The following RPS6KA2 variants were observed in gnomAD, a reference collection of about 807,000 sequenced individuals.
RPS6KA2 encodes the protein ribosomal protein S6 kinase alpha-2.
Under a neutral mutation model 91.8 loss-of-function variants are expected in RPS6KA2, and 42 were observed. The observed-to-expected ratio is 0.46, with a 90% CI of 0.36 to 0.59. The LOEUF is 0.59. RPS6KA2 is among the 20% of genes least tolerant of loss of function. The pLI, the probability that RPS6KA2 is intolerant of heterozygous loss-of-function variation, is 0.00. For missense variants in RPS6KA2, 798 were observed against 978.5 expected, an observed-to-expected ratio of 0.82 and a Z score of 2.46; for synonymous variants, 414 against 393.6, an observed-to-expected ratio of 1.05 and a Z score of -0.61.
chr6:166,829,754 G>A (rs116595007), intron 2 of RPS6KA2, among the ~76,000 whole-genome samples: 2,456 of 152,192 alleles, frequency 0.016, 68 homozygotes, highest in African/African-American at 0.056. Flanking sequence ...ATCAGCAGAC[G>A]AGTGGAAGAA....
intron 2 of RPS6KA2, among the ~76,000 whole-genome samples, chr6:166,740,488 A>G (rs1790779520): frequency 6.6e-6 from 1 of 152,236 alleles, no homozygotes; most frequent in Admixed American, 6.5e-5. Flanking sequence ...ATACAAAATC[A>G]AACTGAGTAT....
chr6:166,738,963 G>A (rs1778111215), intron 2 of RPS6KA2, among the ~76,000 whole-genome samples: 1 of 152,142 alleles, frequency 6.6e-6, no homozygotes, highest in South Asian at 2.1e-4. Context: ...CAAGATGAGT[G>A]CTCCTGAAAA....
intron 2 of RPS6KA2, among the ~76,000 whole-genome samples, chr6:166,725,764 T>C (rs987342338): frequency 1.3e-5 from 2 of 152,202 alleles, no homozygotes; most frequent in African/African-American, 4.8e-5. Flanking sequence ...CGGGCCAGCG[T>C]GGACGTTCCC....
chr6:166,727,299 A>AGG (rs1354996464), intron 2 of RPS6KA2, among the ~76,000 whole-genome samples: 1 of 150,170 alleles, frequency 6.7e-6, no homozygotes, highest in Non-Finnish European at 1.5e-5. Flanking sequence ...TTATAATTAT[A>AGG]GATCATACTT....
intron 2 of RPS6KA2, among the ~76,000 whole-genome samples, chr6:166,848,540 T>C (rs1253513159): frequency 6.6e-6 from 1 of 152,196 alleles, no homozygotes; most frequent in Non-Finnish European, 1.5e-5. Flanking sequence ...ATAAAGCAAC[T>C]GTGGTATATA....
At position 166,639,286 on chromosome 6, in the gene RPS6KA2, G is replaced by A. The variant is rs890032677; in HGVS notation, c.124-100502C>T. Among the ~76,000 whole-genome samples the A allele has an allele frequency of 3.9e-5, 6 of 152,182 alleles. No homozygotes were observed. The highest frequency in any genetic ancestry group is 2.6e-4 in the Admixed American group (4 of 15,286). On this transcript the variant is annotated intron_variant, in intron 2 of 21. Coordinates refer to the RPS6KA2 transcript ENST00000503859. This position sits in a 1 kb window ranked among gnomAD's most constrained non-coding sequence, Gnocchi z 4.2. ...AAGACTTACCGTGACCTCCTGACAC[G>A]TCCTTATTCCCTACGTCTCTAGTTA...
Position 166,413,000 on chromosome 6 carries a change from A to G in RPS6KA2, c.2077-113T>C, listed in dbSNP as rs543869690. The G allele has an allele frequency of 6.0e-5, 70 of 1,165,864 alleles. 1 individual carries two copies. The East Asian group carries it at 1.7e-3, about 29-fold the overall frequency. 72.2% of individuals were successfully genotyped at this position (1,165,864 alleles called of 1,614,324 possible). ...CCCCAGGCAACGTGGGAGAAACCAG[A>G]GCTTCCCCAGGGTCCCTGGAGCATG... On this transcript the variant is annotated intron_variant, in intron 20 of 20. Transcript: ENST00000265678. This position sits in a 1 kb window ranked among gnomAD's most constrained non-coding sequence, Gnocchi z 4.3.
Position 166,533,063 on chromosome 6 carries a change from G to T in RPS6KA2, c.217-1750C>A, listed in dbSNP as rs116142386. ...GACTCTGCCTCAGGGTGTTCCCTCT[G>T]TGCAGTGGGCGAGCTTCCTGACAGG... On this transcript the variant is annotated intron_variant, in intron 2 of 20. Transcript: ENST00000265678. This position sits in a 1 kb window ranked among gnomAD's most constrained non-coding sequence, Gnocchi z 4.0. Among the ~76,000 whole-genome samples, 8,463 of 152,306 alleles carry T rather than the reference G, an allele frequency of 0.056. 820 individuals are homozygous for T. Among genetic ancestry groups the T allele is most frequent in the African/African-American group, 0.19 (8,062 of 41,540 alleles).
At chr6:166,760,434 C>T (rs1778135361) in intron 2 of RPS6KA2, among the ~76,000 whole-genome samples, 1 of 152,214 alleles carries the variant, frequency 6.6e-6, no homozygotes, top group African/African-American at 2.4e-5. Context: ...CTCACCAAAG[C>T]GATCTACTGA....
chr6:166,455,277 T>C (rs1780062981), intron 12 of RPS6KA2, among the ~76,000 whole-genome samples: 1 of 152,124 alleles, frequency 6.6e-6, no homozygotes, highest in African/African-American at 2.4e-5. Context: ...ACAACGGTTA[T>C]GAGGGCAGCC....
chr6:166,795,660 G>T (rs2128615873), intron 2 of RPS6KA2, among the ~76,000 whole-genome samples: 1 of 152,334 alleles, frequency 6.6e-6, no homozygotes. Context: ...ACTGCGGGGT[G>T]AGAAAGACGG....
intron 2 of RPS6KA2, among the ~76,000 whole-genome samples, chr6:166,788,603 G>T (rs1402236358): frequency 1.3e-5 from 2 of 152,122 alleles, no homozygotes; most frequent in Non-Finnish European, 2.9e-5. Flanking sequence ...ACCAAATACT[G>T]CATGTTCTCA....
At chr6:166,718,600 A>G (rs1790086840) in intron 2 of RPS6KA2, among the ~76,000 whole-genome samples, 1 of 152,236 alleles carries the variant, frequency 6.6e-6, no homozygotes, top group Non-Finnish European at 1.5e-5. Context: ...CATTCTCTTT[A>G]AAGTGGTTAA....
intron 2 of RPS6KA2, among the ~76,000 whole-genome samples, chr6:166,643,345 A>G (rs1787505187): frequency 6.6e-6 from 1 of 152,250 alleles, no homozygotes; most frequent in African/African-American, 2.4e-5. Flanking sequence ...AAAAACATAT[A>G]TAACAAGATA....
chr6:166,746,806 T>C (rs1012533002), intron 2 of RPS6KA2, among the ~76,000 whole-genome samples: 6 of 152,198 alleles, frequency 3.9e-5, no homozygotes, highest in African/African-American at 1.2e-4. Flanking sequence ...CCTATTGTCT[T>C]CAACTAATTT....
intron 10 of RPS6KA2, among the ~76,000 whole-genome samples, chr6:166,472,176 C>G (rs1053901298): frequency 2.0e-5 from 3 of 152,218 alleles, no homozygotes; most frequent in African/African-American, 7.2e-5. Flanking sequence ...TCTCAAAAGG[C>G]TGGAGATTGG....
chr6:166,565,419 G>A (rs951590058), intron 1 of RPS6KA2, among the ~76,000 whole-genome samples: 1 of 152,254 alleles, frequency 6.6e-6, no homozygotes, highest in Non-Finnish European at 1.5e-5. Flanking sequence ...AGCCTGTGCT[G>A]GGATGCAGGG....
At chr6:166,630,434 A>G (rs1006763515), upstream of RPS6KA2, among the ~76,000 whole-genome samples, 3 of 152,274 alleles carry the variant, frequency 2.0e-5, no homozygotes, top group African/African-American at 4.8e-5. Flanking sequence ...GTGAAACTAT[A>G]TATCTTTAAA....
At chr6:166,717,768 T>C (rs1004457664) in intron 2 of RPS6KA2, among the ~76,000 whole-genome samples, 3 of 152,220 alleles carry the variant, frequency 2.0e-5, no homozygotes, top group African/African-American at 4.8e-5. Context: ...CACAATTAAC[T>C]GTACTTGAGG....
Sources: allele counts gnomAD v4.1 joint callset (sites outside exome capture counted in the v4.1 genomes callset), GRCh38; gene constraint gnomAD v4.1.1; non-coding constraint Gnocchi (gnomAD v3.1); transcripts MANE v1.5; gene names NCBI Gene and HGNC (gene_info 2026-07-23, HGNC 2026-07-21).